BCL9L: variants seen among roughly 807,000 people sequenced by gnomAD.
BCL9L encodes B-cell CLL/lymphoma 9-like protein.
In BCL9L, 19 loss-of-function variants were observed where a neutral mutation model predicts 99.4. The observed-to-expected ratio is 0.19, with a 90% CI of 0.13 to 0.28. BCL9L has a LOEUF of 0.28. BCL9L is among the 10% of genes least tolerant of loss of function. The pLI is 1.00. For missense variants in BCL9L, 2,023 were observed against 2,101.6 expected (o/e 0.96, Z 0.73); for synonymous variants, 900 against 854.8 (o/e 1.05, Z -0.92).
rs1392872983 is a variant in BCL9L at position 118,898,853 on chromosome 11, G to A, written c.4062C>T (p.Pro1354=). Residue 1354 remains proline, a synonymous_variant, in exon 10 of 10, where the codon CCC becomes CCT. Transcript: ENST00000683865. ...GCAGGTTCATGAGATGCAGATTAGGGGGCTGAGCCTTGGGGGGCTGGTTCT... is the reference window on the plus strand; with the variant it reads ...GCAGGTTCATGAGATGCAGATTAGGAGGCTGAGCCTTGGGGGGCTGGTTCT... The part of the protein sequence containing the change: ...KSENQPPKAQ[P]PNLHLMNLQN... 2.5e-6 allele frequency: 4 copies of A among 1,614,110 alleles called. No homozygotes were observed. Among genetic ancestry groups the A allele is most frequent in the South Asian group, 2.2e-5 (2 of 91,088 alleles).
Position 118,898,807 on chromosome 11 carries a change from T to A in BCL9L, c.4108A>T (p.Thr1370Ser). Residue 1370 changes from threonine (T) to serine (S), a missense_variant, in exon 10 of 10, where the codon ACT (threonine) becomes TCT (serine). Thr to Ser is a moderately conservative substitution (Grantham distance 58). Transcript: ENST00000683865. ...MNLQNMMAEQ[T>S]PSRPPNLPGQ... ...GGGAGGTTGGGAGGCCGAGAGGGAG[T>A]CTGCTCCGCCATCATGTTCTGCAGG... is the stretch of plus-strand genomic sequence containing the variant. 4 of 1,613,610 alleles carry A rather than the reference T, an allele frequency of 2.5e-6. No homozygotes were observed. Among genetic ancestry groups the A allele is most frequent in the Non-Finnish European group, 3.4e-6 (4 of 1,179,892 alleles).
Position 118,914,397 on chromosome 11 carries a change from C to T in BCL9L, c.-76-4382G>A, listed in dbSNP as rs1355196689. The stretch of plus-strand genomic sequence containing the variant: ...CACCCAGCGCCCGCCCGCCTGCCTG[C>T]CTGCTCTGCTCTCTCCCCAGGTACA... On this transcript the variant is annotated intron_variant, in intron 2 of 9. Transcript: ENST00000683865. The surrounding 1 kb of genome is among the most constrained non-coding windows in gnomAD (Gnocchi z 4.4). Among the ~76,000 whole-genome samples the T allele has an allele frequency of 6.6e-6, 1 of 152,184 alleles. No individual in the cohort carries two copies. Among genetic ancestry groups the T allele is most frequent in the Admixed American group, 6.5e-5 (1 of 15,282 alleles).
At position 118,907,547 on chromosome 11, in the gene BCL9L, A is replaced by G. The variant is rs1940575461; in HGVS notation, c.468T>C (p.Ser156=). ...CCGGTCCAGAGCACCATTCGTCCCCACTGTACGGCTGCTTCCGCTCCAGCA... is the reference window on the plus strand; with the variant it reads ...CCGGTCCAGAGCACCATTCGTCCCCGCTGTACGGCTGCTTCCGCTCCAGCA... The part of the protein sequence containing the change: ...RCVLERKQPY[S]GDEWCSGPDS... Residue 156 remains serine (S), a synonymous_variant, in exon 5 of 10, where the codon AGT becomes AGC. Coordinates refer to ENST00000683865, the MANE Select transcript of BCL9L (RefSeq NM_001378213.1). The G allele has an allele frequency of 6.2e-7, 1 of 1,613,966 alleles. No individual in the cohort carries two copies. Among genetic ancestry groups the G allele is most frequent in the East Asian group, 2.2e-5 (1 of 44,880 alleles).
intron 1 of BCL9L, among the ~76,000 whole-genome samples, chr11:118,919,131 C>T (rs1330738631): frequency 3.1e-4 from 42 of 137,470 alleles, no homozygotes; most frequent in Non-Finnish European, 5.4e-4. Flanking sequence ...CCCCCAACCC[C>T]CGCCCACCAC....
At chr11:118,918,263 C>CTGTGTGTGTGTGTGTGTGTGTGTCTG (rs147838469) in intron 2 of BCL9L, among the ~76,000 whole-genome samples, 6 of 148,616 alleles carry the variant, frequency 4.0e-5, no homozygotes, top group African/African-American at 1.3e-4. Flanking sequence ...AGGGAAGAGG[C>CTGTGTGTGTGTGTGTGTGTGTGTCTG]TGTGTGTGTG....
chr11:118,907,592 C>G lies in BCL9L; in HGVS notation c.423G>C (p.Pro141=). The G allele has an allele frequency of 6.2e-7, 1 of 1,613,136 alleles. No homozygotes were observed. The highest frequency in any genetic ancestry group is 8.5e-7 in the Non-Finnish European group (1 of 1,180,018). ...SLDSEAKEVA[P]RSKRRCVLER... Reference sequence around the variant, plus strand: ...CCAGCACACAGCGCCGCTTACTCCGCGGCGCCACCTCTGCCCAGGCAGGAC... The same window carrying G: ...CCAGCACACAGCGCCGCTTACTCCGGGGCGCCACCTCTGCCCAGGCAGGAC... The change falls in exon 5 of 10, where the codon CCG becomes CCC. Residue 141 remains proline (P), a synonymous_variant. Transcript: ENST00000683865.
At chr11:118,915,168 A>G (rs531534323) in intron 2 of BCL9L, among the ~76,000 whole-genome samples, 93 of 152,216 alleles carry the variant, frequency 6.1e-4, no homozygotes, top group African/African-American at 2.2e-3. Flanking sequence ...GACAGTGTCA[A>G]TCACACCCTG....
chr11:118,921,263 C>T lies in BCL9L; in HGVS notation c.-130-2384G>A, dbSNP rs148145020. On this transcript the variant is annotated intron_variant, in intron 1 of 9. Coordinates refer to ENST00000683865, the MANE Select transcript of BCL9L (RefSeq NM_001378213.1). This position sits in a 1 kb window ranked among gnomAD's most constrained non-coding sequence, Gnocchi z 5.4. ...AGATACACCCACACTGAGACACACA[C>T]ACACACAAACTTATACACACACACA... Among the ~76,000 whole-genome samples, 737 of 152,306 alleles carry T rather than the reference C, an allele frequency of 4.8e-3. 2 individuals carry two copies. Among genetic ancestry groups the T allele is most frequent in the Middle Eastern group, 0.01 (3 of 294 alleles).
Position 118,921,610 on chromosome 11 carries a change from A to G in BCL9L, c.-130-2731T>C, listed in dbSNP as rs1279997355. On this transcript the variant is annotated intron_variant, in intron 1 of 9. Transcript: ENST00000683865. The surrounding 1 kb of genome is among the most constrained non-coding windows in gnomAD (Gnocchi z 5.4). ...CCAGCTCTGGTGGAAGGGGGCCTAG[A>G]ATAAAACACCAGGGTTAGGAGGGGG... Among the ~76,000 whole-genome samples the G allele has an allele frequency of 1.3e-5, 2 of 152,142 alleles. No individual in the cohort carries two copies. Among genetic ancestry groups the G allele is most frequent in the Non-Finnish European group, 2.9e-5 (2 of 68,020 alleles).
Position 118,898,298 on chromosome 11 carries a change from C to CCCA in BCL9L, c.*116_*117insTGG. The CCCA allele has an allele frequency of 2.4e-6, 1 of 422,934 alleles. No individual in the cohort carries two copies. Among genetic ancestry groups the CCCA allele is most frequent in the Non-Finnish European group, 4.4e-6 (1 of 225,278 alleles). The allele number at this position is 422,934 out of a possible 1,614,324, so 26.2% of individuals were successfully genotyped here. A position where few individuals can be genotyped will look rare whatever the true frequency, so the allele number is the denominator to read the frequency against. ...CAAATGCCACTCCCTACACAAGCCC[C>CCCA]CTCCCACCCCCTCCACCCCACCCCG... is the stretch of plus-strand genomic sequence containing the variant. On this transcript the variant is annotated 3_prime_UTR_variant, in exon 10 of 10. Transcript: ENST00000683865.
At chr11:118,919,645 CGGGG>C (rs1055264873) in intron 1 of BCL9L, among the ~76,000 whole-genome samples, 1 of 151,998 alleles carries the variant, frequency 6.6e-6, no homozygotes, top group African/African-American at 2.4e-5. Context: ...CTGCACTGGG[CGGGG>C]GGTGTCCCTG....
chr11:118,913,467 G>A (rs1350075297), intron 2 of BCL9L, among the ~76,000 whole-genome samples: 1 of 152,206 alleles, frequency 6.6e-6, no homozygotes, highest in Admixed American at 6.5e-5. Context: ...TACAGTCATT[G>A]TCAGTGTGGC....
chr11:118,907,813 C>A lies in BCL9L; in HGVS notation c.413-211G>T, dbSNP rs1044198289. The stretch of plus-strand genomic sequence containing the variant: ...AGCCCCATGCCTGTCTCCCCTCCCC[C>A]CCAACACCAAGTACAGCATAATCCC... On this transcript the variant is annotated intron_variant, in intron 4 of 9. Transcript: ENST00000683865. Among the ~76,000 whole-genome samples, 9 of 152,252 alleles carry A rather than the reference C, an allele frequency of 5.9e-5. No individual in the cohort carries two copies. The East Asian group carries it at 9.6e-4, about 16-fold the overall frequency.
chr11:118,900,763 T>C lies in BCL9L; in HGVS notation c.2980A>G (p.Arg994Gly). ...SVRSPTGSPS[R>G]LKSPSMAVPS... ...ACCGCCATGGAAGGAGACTTGAGCCTGCTGGGCGAGCCAGTGGGTGAACGG... is the reference window on the plus strand; with the variant it reads ...ACCGCCATGGAAGGAGACTTGAGCCCGCTGGGCGAGCCAGTGGGTGAACGG... Residue 994 changes from arginine to glycine, a missense_variant, in exon 8 of 10, where the codon AGG (arginine) becomes GGG (glycine). By Grantham distance (125) the Arg-to-Gly change is moderately radical. Around this residue, in one of 3 missense-constraint regions of BCL9L, gnomAD observed 902 missense variants for 888.2 expected, o/e 1.02. Transcript: ENST00000683865. The surrounding 1 kb of genome is among the most constrained non-coding windows in gnomAD (Gnocchi z 5.3). 2 of 1,613,700 alleles carry C rather than the reference T, an allele frequency of 1.2e-6. No individual in the cohort carries two copies. The highest frequency in any genetic ancestry group is 1.1e-5 in the South Asian group (1 of 91,078).
intron 1 of BCL9L, among the ~76,000 whole-genome samples, chr11:118,919,521 G>A (rs1313419386): frequency 1.3e-5 from 2 of 152,026 alleles, no homozygotes; most frequent in South Asian, 2.1e-4. Flanking sequence ...GCGGGAGAGA[G>A]GCTGGTGGCT....
intron 5 of BCL9L, among the ~76,000 whole-genome samples, chr11:118,907,031 C>G (rs988618455): frequency 6.6e-6 from 1 of 152,146 alleles, no homozygotes; most frequent in African/African-American, 2.4e-5. Context: ...GGTGACACAC[C>G]CTGGGTACTT....
rs557201402 is a variant in BCL9L, at chr11:118,902,563, C to T, written c.1180G>A (p.Val394Met). ...TCTTTGGACAAGCCCTCTGAGCCCA[C>T]CAGGCTGCGCTGCCCATTTCCAGGG... ...AAPGNGQRSL[V>M]GSEGLSKEQL... Residue 394 changes from valine (V) to methionine (M), a missense_variant, in exon 8 of 10, where the codon GTG (valine) becomes ATG (methionine). Around this residue, in one of 3 missense-constraint regions of BCL9L, gnomAD observed 1,116 missense variants for 1,194.6 expected, o/e 0.93. Coordinates refer to ENST00000683865, the MANE Select transcript of BCL9L (RefSeq NM_001378213.1). This position sits in a 1 kb window ranked among gnomAD's most constrained non-coding sequence, Gnocchi z 7.8. The T allele has an allele frequency of 6.2e-7, 1 of 1,601,442 alleles. No homozygotes were observed. Among genetic ancestry groups the T allele is most frequent in the South Asian group, 1.1e-5 (1 of 91,090 alleles).
Position 118,901,960 on chromosome 11 carries a change from C to T in BCL9L, c.1783G>A (p.Gly595Arg), listed in dbSNP as rs141797896. 1.9e-6 allele frequency: 3 copies of T among 1,612,640 alleles called. No homozygotes were observed. Among genetic ancestry groups the T allele is most frequent in the African/African-American group, 2.7e-5 (2 of 74,896 alleles). Residue 595 changes from glycine to arginine, a missense_variant, in exon 8 of 10, where the codon GGA becomes AGA. Physicochemically the swap from Gly to Arg is moderately radical, Grantham distance 125 (BLOSUM62 -2). Transcript: ENST00000683865. This position sits in a 1 kb window ranked among gnomAD's most constrained non-coding sequence, Gnocchi z 6.6. The stretch of plus-strand genomic sequence containing the variant: ...AAACGGGGCCCAGGAAAGGGAGGTC[C>T]GCCCCGGAGCTGCATGGGATCTTGA... ...DVQDPMQLRG[G>R]PPFPGPRFPG...
rs756097311 is a variant in BCL9L at position 118,901,663 on chromosome 11, G to A, written c.2080C>T (p.Pro694Ser). 12 of 1,613,632 alleles carry A rather than the reference G, an allele frequency of 7.4e-6. No individual in the cohort carries two copies. The highest frequency in any genetic ancestry group is 3.3e-5 in the Admixed American group (2 of 60,014). The change falls in exon 8 of 10, where the codon CCC becomes TCC. Residue 694 changes from proline to serine, a missense_variant. By Grantham distance (74) the Pro-to-Ser change is moderately conservative. This residue lies in a region of BCL9L where 1,116 missense variants were observed against 1,194.6 expected (regional missense o/e 0.93). Coordinates refer to ENST00000683865, the MANE Select transcript of BCL9L (RefSeq NM_001378213.1). This position sits in a 1 kb window ranked among gnomAD's most constrained non-coding sequence, Gnocchi z 6.6. ...LEKRSMGMQR[P>S]LGMAGSGMGQ... ...ATGCCACTGCCTGCCATGCCCAGGGGGCGCTGCATGCCCATCGACCGCTTC... is the reference window on the plus strand; with the variant it reads ...ATGCCACTGCCTGCCATGCCCAGGGAGCGCTGCATGCCCATCGACCGCTTC...
Sources: gnomAD v4.1 joint callset for allele counts (sites outside exome capture counted in the v4.1 genomes callset) on GRCh38, gnomAD v4.1.1 for gene constraint, gnomAD v4.1.1 regional missense constraint, Gnocchi (gnomAD v3.1) non-coding constraint, MANE v1.5 for transcripts, NCBI Gene and HGNC (gene_info 2026-07-23, HGNC 2026-07-21) for gene names.